Variants in CATSPERE observed in about 807,000 individuals in gnomAD.
CATSPERE encodes the protein cation channel sperm-associated auxiliary subunit epsilon.
In CATSPERE, 93 loss-of-function variants were observed where a neutral mutation model predicts 114.1. That is an observed-to-expected ratio of 0.81 (90% confidence interval 0.69 to 0.97). The LOEUF is 0.97. Among genes scored for constraint, CATSPERE ranks in the 50% least tolerant of loss-of-function variants. CATSPERE has a pLI of 0.00. For synonymous variants in CATSPERE, 341 were observed against 384.1 expected, an observed-to-expected ratio of 0.89 and a Z score of 1.31; for missense variants, 1,058 against 1,131.6, an observed-to-expected ratio of 0.93 and a Z score of 0.93.
intron 4 of CATSPERE, among the ~76,000 whole-genome samples, chr1:244,478,947 G>A (rs991746049): frequency 2.2e-5 from 3 of 134,966 alleles, no homozygotes; most frequent in Admixed American, 1.7e-4. Context: ...AGAATCGCTC[G>A]AACCCGGGAG....
intron 21 of CATSPERE, among the ~76,000 whole-genome samples, chr1:244,637,876 G>A (rs940126423): frequency 2.6e-4 from 39 of 152,220 alleles, no homozygotes; most frequent in African/African-American, 8.7e-4. Context: ...AGACAGGAAC[G>A]CCCTCTATTC....
intron 14 of CATSPERE, among the ~76,000 whole-genome samples, chr1:244,590,904 G>T (rs899885684): frequency 1.2e-4 from 19 of 152,116 alleles, no homozygotes; most frequent in Admixed American, 1.0e-3. Flanking sequence ...GAATATTTGT[G>T]TACAAGTGTT....
chr1:244,557,702 G>A (rs550807492), intron 9 of CATSPERE, among the ~76,000 whole-genome samples: 77 of 149,438 alleles, frequency 5.2e-4, no homozygotes, highest in Middle Eastern at 6.8e-3. Flanking sequence ...TTGGATTTCT[G>A]GGTTTATGTC....
At chr1:244,620,434 T>C (rs962956960) in intron 20 of CATSPERE, among the ~76,000 whole-genome samples, 1 of 152,154 alleles carries the variant, frequency 6.6e-6, no homozygotes, top group Non-Finnish European at 1.5e-5. Flanking sequence ...TAGAAGCACA[T>C]TGAGTGGGTC....
At chr1:244,565,256 G>T (rs997364228) in intron 10 of CATSPERE, among the ~76,000 whole-genome samples, 1 of 152,184 alleles carries the variant, frequency 6.6e-6, no homozygotes, top group African/African-American at 2.4e-5. Context: ...AATGATGCTG[G>T]CCTCATAAAA....
upstream of CATSPERE, among the ~76,000 whole-genome samples, chr1:244,453,615 TG>T (rs1485561972): frequency 3.9e-5 from 6 of 152,220 alleles, no homozygotes; most frequent in Non-Finnish European, 5.9e-5. Context: ...TCTCTTGGAC[TG>T]GGGGCTGACT....
chr1:244,612,641 T>C (rs1428215799), intron 19 of CATSPERE, among the ~76,000 whole-genome samples: 1 of 152,190 alleles, frequency 6.6e-6, no homozygotes, highest in African/African-American at 2.4e-5. Flanking sequence ...TTGAGTATAA[T>C]GCATGAGGCT....
chr1:244,517,026 GA>G (rs1363921824), intron 7 of CATSPERE, among the ~76,000 whole-genome samples: 1 of 152,018 alleles, frequency 6.6e-6, no homozygotes, highest in East Asian at 1.9e-4. Flanking sequence ...TTCACTCAGT[GA>G]AAAATTATGC....
intron 8 of CATSPERE, among the ~76,000 whole-genome samples, chr1:244,522,181 T>C (rs2148377051): frequency 6.6e-6 from 1 of 152,230 alleles, no homozygotes; most frequent in Admixed American, 6.5e-5. Flanking sequence ...ATTAAGAATC[T>C]CACTCAAAAC....
At chr1:244,480,280 A>T (rs1161597589) in intron 5 of CATSPERE, among the ~76,000 whole-genome samples, 1 of 152,202 alleles carries the variant, frequency 6.6e-6, no homozygotes, top group Non-Finnish European at 1.5e-5. Flanking sequence ...TAACTACATA[A>T]TTAACTGCAT....
intron 10 of CATSPERE, among the ~76,000 whole-genome samples, chr1:244,562,908 T>C (rs1662803312): frequency 6.6e-6 from 1 of 152,018 alleles, no homozygotes; most frequent in South Asian, 2.1e-4. Flanking sequence ...TGACAGGCCT[T>C]GGTGTGTGAT....
At chr1:244,618,085 C>T (rs1298633539) in intron 20 of CATSPERE, among the ~76,000 whole-genome samples, 1 of 152,152 alleles carries the variant, frequency 6.6e-6, no homozygotes, top group African/African-American at 2.4e-5. Flanking sequence ...GCATTATTGA[C>T]AGGCACAATA....
intron 13 of CATSPERE, among the ~76,000 whole-genome samples, chr1:244,586,136 T>A (rs531422330): frequency 1.8e-4 from 28 of 152,268 alleles, no homozygotes; most frequent in African/African-American, 6.7e-4. Context: ...TCTAATTAGG[T>A]GTCCAGTTCT....
intron 6 of CATSPERE, among the ~76,000 whole-genome samples, 200 bp from the exon 7 acceptor site, chr1:244,498,802 G>A (rs1172971745): frequency 6.6e-6 from 1 of 152,146 alleles, no homozygotes; most frequent in African/African-American, 2.4e-5. Context: ...GGAGGCTGAG[G>A]CAGGAGAATT....
chr1:244,546,991 G>T (rs1360407695), intron 8 of CATSPERE, among the ~76,000 whole-genome samples: 1 of 152,104 alleles, frequency 6.6e-6, no homozygotes, highest in Non-Finnish European at 1.5e-5. Flanking sequence ...AAGGTCATCA[G>T]TCAGATTCAA....
chr1:244,465,923 A>G (rs1667533510), intron 2 of CATSPERE, among the ~76,000 whole-genome samples: 1 of 152,192 alleles, frequency 6.6e-6, no homozygotes, highest in South Asian at 2.1e-4. Flanking sequence ...TTCTTCCAAC[A>G]TCTCCCAATT....
At chr1:244,617,831 C>T (rs1671591330) in intron 20 of CATSPERE, 145 bp downstream of exon 20, 1 of 667,074 alleles carries the variant, frequency 1.5e-6, no homozygotes, top group Admixed American at 4.1e-5. Context: ...TCACATGAAA[C>T]ATTCTATGTG....
rs566626356 is a variant in CATSPERE at position 244,553,289 on chromosome 1, C to T, written c.1029+475C>T. ...TAAAAATATTGTTGCTGGCCGGGCGCGGTGGCTCACACCTGTAATCACAGC... is the reference window on the plus strand; with the variant it reads ...TAAAAATATTGTTGCTGGCCGGGCGTGGTGGCTCACACCTGTAATCACAGC... On this transcript the variant is annotated intron_variant, in intron 9 of 21. Coordinates refer to ENST00000366534, the MANE Select transcript of CATSPERE (RefSeq NM_001130957.2). 1.2e-4 allele frequency among the ~76,000 whole-genome samples: 18 copies of T among 152,060 alleles called. No individual in the cohort carries two copies. In the East Asian group the frequency reaches 3.3e-3, roughly 28 times the overall value.
Position 244,561,152 on chromosome 1 carries a change from C to T in CATSPERE, c.1507+7C>T. 6.7e-7 allele frequency: 1 copy of T among 1,491,448 alleles called. No individual in the cohort carries two copies. Among genetic ancestry groups the T allele is most frequent in the Non-Finnish European group, 9.3e-7 (1 of 1,076,032 alleles). 92.4% of individuals were successfully genotyped at this position (1,491,448 alleles called of 1,614,324 possible). A position where few individuals can be genotyped will look rare whatever the true frequency, so the allele number is the denominator to read the frequency against. On this transcript the variant is annotated splice_region_variant and intron_variant, in intron 10 of 21. Coordinates refer to ENST00000366534, the MANE Select transcript of CATSPERE (RefSeq NM_001130957.2). ...ATTCATGAAGTTTTCATAGGTAAGG[C>T]ATTCTCAGTCCACTAACATTATTCT...
Sources: gnomAD v4.1 joint callset for allele counts (sites outside exome capture counted in the v4.1 genomes callset) on GRCh38, gnomAD v4.1.1 for gene constraint, MANE v1.5 for transcripts, NCBI Gene and HGNC (gene_info 2026-07-23, HGNC 2026-07-21) for gene names.